Variants in ATXN10 observed in about 807,000 individuals in gnomAD.
The protein encoded by ATXN10 is ataxin-10.
ATXN10 carries 28 observed loss-of-function variants against 52.9 expected under a neutral mutation model. The observed-to-expected ratio is 0.53, with a 90% CI of 0.39 to 0.73. The LOEUF is 0.73. ATXN10 is among the 30% of genes least tolerant of loss of function. The probability of loss-of-function intolerance (pLI) is 0.00; values close to 1 mark genes in which losing one functional copy is unlikely to be tolerated. For synonymous variants in ATXN10, 226 were observed against 221.5 expected, an observed-to-expected ratio of 1.02 and a Z score of -0.18; for missense variants, 565 against 577.0, an observed-to-expected ratio of 0.98 and a Z score of 0.21.
Position 45,787,626 on chromosome 22 carries a change from T to G in ATXN10, c.1174-19333T>G, listed in dbSNP as rs919381903. Among the ~76,000 whole-genome samples, 9 of 152,210 alleles carry G rather than the reference T, an allele frequency of 5.9e-5. No homozygotes were observed. Among genetic ancestry groups the G allele is most frequent in the Admixed American group, 2.6e-4 (4 of 15,280 alleles). On this transcript the variant is annotated intron_variant, in intron 9 of 11. Coordinates refer to ENST00000252934, the MANE Select transcript of ATXN10 (RefSeq NM_013236.4). The surrounding 1 kb of genome is among the most constrained non-coding windows in gnomAD (Gnocchi z 4.2). Reference sequence around the variant, plus strand: ...TGGTGGCTCTTCCCATATCCCAGCTTTGGACAGAATAGTCAGTTGGAATTA... The same window carrying G: ...TGGTGGCTCTTCCCATATCCCAGCTGTGGACAGAATAGTCAGTTGGAATTA...
At chr22:45,764,514 G>T (rs149061769) in intron 9 of ATXN10, among the ~76,000 whole-genome samples, 15 of 152,218 alleles carry the variant, frequency 9.9e-5, no homozygotes, top group Non-Finnish European at 2.2e-4. Flanking sequence ...AATCCAACTC[G>T]CTCTTCATGA....
chr22:45,686,855 A>G (rs1177493926), intron 1 of ATXN10, among the ~76,000 whole-genome samples: 1 of 150,086 alleles, frequency 6.7e-6, no homozygotes, highest in Non-Finnish European at 1.5e-5. Context: ...AGTTTCTCCC[A>G]GGCAGAGGAT....
At chr22:45,673,576 C>G (rs1922561341) in intron 1 of ATXN10, 1 of 152,144 alleles carries the variant, frequency 6.6e-6, no homozygotes, top group Non-Finnish European at 1.5e-5. Context: ...TTATTGAGCA[C>G]CTACTATGAA....
At chr22:45,821,594 T>A (rs1375414485) in intron 10 of ATXN10, among the ~76,000 whole-genome samples, 1 of 152,190 alleles carries the variant, frequency 6.6e-6, no homozygotes, top group Non-Finnish European at 1.5e-5. Flanking sequence ...TTATATGTGT[T>A]GAAATAGTCT....
chr22:45,842,995 G>A lies in ATXN10; in HGVS notation c.1242G>A (p.Leu414=), dbSNP rs1465191791. The A allele has an allele frequency of 6.2e-7, 1 of 1,613,972 alleles. No individual in the cohort carries two copies. The highest frequency in any genetic ancestry group is 8.5e-7 in the Non-Finnish European group (1 of 1,180,006). ...ATTCCTTCACTCTGGCTCCAGTTCT[G>A]ACCCAGTGGGTGATATATGCCATCC... ...NCNISDSNPF[L]TQWVIYAIRN... Residue 414 remains leucine (L), a synonymous_variant, in exon 11 of 12, where the codon CTG becomes CTA. Coordinates refer to ENST00000252934, the MANE Select transcript of ATXN10 (RefSeq NM_013236.4). The surrounding 1 kb of genome is among the most constrained non-coding windows in gnomAD (Gnocchi z 4.8).
At chr22:45,689,683 T>C in intron 1 of ATXN10, 29 bp from the exon 2 acceptor site, 2 of 1,600,016 alleles carry the variant, frequency 1.2e-6, no homozygotes, top group Non-Finnish European at 1.7e-6. Flanking sequence ...CTTTTTTTTC[T>C]GATTCGTGAT....
rs1923835157 is a variant in ATXN10, at chr22:45,701,306, T to G, written c.488+928T>G. 6.6e-6 allele frequency among the ~76,000 whole-genome samples: 1 copy of G among 152,178 alleles called. No individual in the cohort carries two copies. The highest frequency in any genetic ancestry group is 2.1e-4 in the South Asian group (1 of 4,834). Reference sequence around the variant, plus strand: ...GCTCATCACTGGTAAATGGCAGAGGTAGAGTGTAAACCCATTGCTGCCATC... The same window carrying G: ...GCTCATCACTGGTAAATGGCAGAGGGAGAGTGTAAACCCATTGCTGCCATC... On this transcript the variant is annotated intron_variant, in intron 4 of 11. Transcript: ENST00000252934. The surrounding 1 kb of genome is among the most constrained non-coding windows in gnomAD (Gnocchi z 4.2).
At chr22:45,829,215 AAACTGCCTC>A (rs1444229989) in intron 10 of ATXN10, among the ~76,000 whole-genome samples, 1 of 152,212 alleles carries the variant, frequency 6.6e-6, no homozygotes, top group Non-Finnish European at 1.5e-5. Context: ...GAATATAATG[AAACTGCCTC>A]AACATAATAA....
chr22:45,830,342 T>A (rs1324076829), intron 10 of ATXN10, among the ~76,000 whole-genome samples: 2 of 152,214 alleles, frequency 1.3e-5, no homozygotes, highest in Non-Finnish European at 2.9e-5. Flanking sequence ...GGAAAAATGA[T>A]AAATTGGACT....
At chr22:45,721,335 G>A (rs1005481016) in intron 6 of ATXN10, among the ~76,000 whole-genome samples, 6 of 152,120 alleles carry the variant, frequency 3.9e-5, no homozygotes, top group Admixed American at 2.6e-4. Flanking sequence ...TAGTAGTTAA[G>A]GACAGATGCT....
chr22:45,839,138 T>C (rs1365046094), intron 10 of ATXN10, among the ~76,000 whole-genome samples: 1 of 152,254 alleles, frequency 6.6e-6, no homozygotes. Flanking sequence ...TTTACTATTA[T>C]TGGCTTGGTT....
chr22:45,827,525 T>A (rs996329088), intron 10 of ATXN10, among the ~76,000 whole-genome samples: 1 of 152,138 alleles, frequency 6.6e-6, no homozygotes, highest in Non-Finnish European at 1.5e-5. Context: ...ACAAAATGAT[T>A]TTAAATCAAA....
At chr22:45,748,429 A>G (rs1474493789) in intron 9 of ATXN10, among the ~76,000 whole-genome samples, 5 of 152,196 alleles carry the variant, frequency 3.3e-5, no homozygotes, top group Non-Finnish European at 7.3e-5. Flanking sequence ...GGCTTTATGG[A>G]GGAAGTAAAA....
Position 45,672,118 on chromosome 22 carries a change from C to T in ATXN10, c.55C>T (p.Pro19Ser), listed in dbSNP as rs199556141. 2.2e-5 allele frequency: 34 copies of T among 1,540,422 alleles called. No homozygotes were observed. Among genetic ancestry groups the T allele is most frequent in the East Asian group, 2.0e-4 (8 of 40,774 alleles). The change falls in exon 1 of 12, where the codon CCC becomes TCC. Residue 19 changes from proline (P) to serine (S), a missense_variant. Physicochemically the swap from Pro to Ser is moderately conservative, Grantham distance 74 (BLOSUM62 -1). Coordinates refer to ENST00000252934, the MANE Select transcript of ATXN10 (RefSeq NM_013236.4). ...GCTGTCGGGCGTCATGGTGCCGGCG[C>T]CCATCCAAGACCTGGAGGCCCTGCG... ...ARLSGVMVPA[P>S]IQDLEALRAL...
intron 6 of ATXN10, among the ~76,000 whole-genome samples, chr22:45,726,386 A>G (rs1924872269): frequency 6.6e-6 from 1 of 152,100 alleles, no homozygotes; most frequent in African/African-American, 2.4e-5. Context: ...GATTCAAGCT[A>G]GGAGGGTTGT....
Position 45,781,216 on chromosome 22 carries a change from C to G in ATXN10, c.1174-25743C>G, listed in dbSNP as rs1408860024. ...AAACCTTCCCCTGGTTATAATGAGG[C>G]ACCCCTCACCCCTGCTAGGTGGTGT... On this transcript the variant is annotated intron_variant, in intron 9 of 11. Coordinates refer to ENST00000252934, the MANE Select transcript of ATXN10 (RefSeq NM_013236.4). The surrounding 1 kb of genome is among the most constrained non-coding windows in gnomAD (Gnocchi z 4.2). Among the ~76,000 whole-genome samples the G allele has an allele frequency of 6.6e-6, 1 of 152,184 alleles. No homozygotes were observed. The highest frequency in any genetic ancestry group is 1.5e-5 in the Non-Finnish European group (1 of 68,030).
At chr22:45,764,116 T>C (rs879228233) in intron 9 of ATXN10, among the ~76,000 whole-genome samples, 2 of 152,192 alleles carry the variant, frequency 1.3e-5, no homozygotes, top group Admixed American at 1.3e-4. Flanking sequence ...TACTGCAGCA[T>C]CTGACCCTGA....
In ATXN10 at chr22:45,757,029, C is replaced by CA. The variant is rs1926198034; in HGVS notation, c.1173+16492dup. ...GAGTGGAGAAGAACCAGACGAGAGA[C>CA]ACGGTTCCAGATGCTTTCCCAAGTG... On this transcript the variant is annotated intron_variant, in intron 9 of 11. Coordinates refer to ENST00000252934, the MANE Select transcript of ATXN10 (RefSeq NM_013236.4). The surrounding 1 kb of genome is among the most constrained non-coding windows in gnomAD (Gnocchi z 4.6). Among the ~76,000 whole-genome samples the CA allele has an allele frequency of 6.6e-6, 1 of 152,146 alleles. No homozygotes were observed. The highest frequency in any genetic ancestry group is 1.5e-5 in the Non-Finnish European group (1 of 68,036).
intron 9 of ATXN10, 67 bp downstream of exon 9, chr22:45,740,605 ATTCACTCTTTTG>A: frequency 6.6e-7 from 1 of 1,523,860 alleles, no homozygotes; most frequent in Non-Finnish European, 9.1e-7. Flanking sequence ...CTTGGAAGAC[ATTCACTCTTTTG>A]GAGTGAAAGC....
Sources: gnomAD v4.1 joint callset for allele counts (sites outside exome capture counted in the v4.1 genomes callset) on GRCh38, gnomAD v4.1.1 for gene constraint, Gnocchi (gnomAD v3.1) non-coding constraint, MANE v1.5 for transcripts, NCBI Gene and HGNC (gene_info 2026-07-23, HGNC 2026-07-21) for gene names.